POSTN: variants seen among roughly 807,000 people sequenced by gnomAD.
POSTN encodes the protein periostin, also known as osteoblast specific factor 2 (fasciclin I-like).
In POSTN, 71 loss-of-function variants were observed where a neutral mutation model predicts 104.5. The ratio of observed to expected loss-of-function variants is 0.68; its 90% CI spans 0.56 to 0.83. The LOEUF (loss-of-function observed/expected upper bound fraction) is 0.83, where lower values mean the gene tolerates loss of function less well. POSTN is among the 40% of genes least tolerant of loss of function. The pLI, the probability that POSTN is intolerant of heterozygous loss-of-function variation, is 0.00. For missense variants in POSTN, 949 were observed against 1,006.8 expected (o/e 0.94, Z 0.78); for synonymous variants, 355 against 340.7 (o/e 1.04, Z -0.46).
At chr13:37,597,722 G>A (rs1318083527) in intron 1 of POSTN, among the ~76,000 whole-genome samples, 2 of 152,134 alleles carry the variant, frequency 1.3e-5, no homozygotes, top group African/African-American at 4.8e-5. Flanking sequence ...GGTTTATTAT[G>A]TACACAGACA....
In POSTN at chr13:37,592,299, T is replaced by C. The variant is rs1950959532; in HGVS notation, c.219-135A>G. On this transcript the variant is annotated intron_variant, in intron 2 of 22. Coordinates refer to ENST00000379747, the MANE Select transcript of POSTN (RefSeq NM_006475.3). The stretch of plus-strand genomic sequence containing the variant: ...AAATCAGGTTTTTTTTCCCCCCTGA[T>C]TTTTTCTTTTTTCTTTTGAGACGGA... 3 of 599,842 alleles carry C rather than the reference T, an allele frequency of 5.0e-6. No homozygotes were observed. In the East Asian group the frequency reaches 9.1e-5, roughly 18 times the overall value. The allele number at this position is 599,842 out of a possible 1,614,324, so 37.2% of individuals were successfully genotyped here.
intron 17 of POSTN, among the ~76,000 whole-genome samples, chr13:37,572,403 C>T (rs902323893): frequency 1.4e-4 from 21 of 151,318 alleles, no homozygotes; most frequent in Non-Finnish European, 1.5e-5. Context: ...GTATTTCATG[C>T]CATAATATTT....
At chr13:37,597,691 G>A (rs1339391442) in intron 1 of POSTN, among the ~76,000 whole-genome samples, 1 of 152,160 alleles carries the variant, frequency 6.6e-6, no homozygotes, top group Non-Finnish European at 1.5e-5. Flanking sequence ...ACAATGAGAG[G>A]TCAGAGAGCA....
intron 1 of POSTN, 45 bp from the exon 2 acceptor site, chr13:37,597,327 A>G (rs1479065198): frequency 3.1e-6 from 4 of 1,304,016 alleles, no homozygotes; most frequent in Admixed American, 2.4e-5. Context: ...CCTAATAATG[A>G]CTAGTTTTTC....
intron 1 of POSTN, among the ~76,000 whole-genome samples, 161 bp from the exon 2 acceptor site, chr13:37,597,443 A>C (rs1034109145): frequency 1.6e-4 from 25 of 152,286 alleles, no homozygotes; most frequent in African/African-American, 5.8e-4. Flanking sequence ...AATCCTACTG[A>C]ATTGTTGAAA....
At chr13:37,594,931 G>A (rs376422387) in intron 2 of POSTN, among the ~76,000 whole-genome samples, 26 of 151,086 alleles carry the variant, frequency 1.7e-4, no homozygotes, top group African/African-American at 6.1e-4. Flanking sequence ...GTGCCCAGAC[G>A]TAACTATGTT....
At position 37,585,545 on chromosome 13, in the gene POSTN, TA is replaced by T. The variant is rs577043955; in HGVS notation, c.895+593del. ...AGGCAACTTCTAGAAAGTAACCAAA[TA>T]AAGATGATTCATTGAAGGACCTCTG... is the stretch of plus-strand genomic sequence containing the variant. On this transcript the variant is annotated intron_variant, in intron 7 of 22. Transcript: ENST00000379747. Among the ~76,000 whole-genome samples, 399 of 152,274 alleles carry T rather than the reference TA, an allele frequency of 2.6e-3. 4 individuals carry two copies. Among genetic ancestry groups the T allele is most frequent in the African/African-American group, 8.5e-3 (355 of 41,562 alleles).
intron 21 of POSTN, among the ~76,000 whole-genome samples, chr13:37,567,253 A>AAAAAAAAAAAAAAG (rs1950137918): frequency 6.9e-6 from 1 of 144,840 alleles, no homozygotes; most frequent in Non-Finnish European, 1.5e-5. Context: ...AAAAAAAAAA[A>AAAAAAAAAAAAAAG]TGTACTACAT....
At chr13:37,591,063 G>C (rs897772705) in intron 3 of POSTN, among the ~76,000 whole-genome samples, 2 of 152,050 alleles carry the variant, frequency 1.3e-5, no homozygotes, top group Non-Finnish European at 2.9e-5. Flanking sequence ...CTATTTATTT[G>C]AAAATTAGTA....
At chr13:37,574,092 T>C (rs1950333025) in intron 17 of POSTN, among the ~76,000 whole-genome samples, 1 of 151,758 alleles carries the variant, frequency 6.6e-6, no homozygotes, top group South Asian at 2.1e-4. Context: ...TCATGCGTGG[T>C]TGTAATTTTA....
At chr13:37,577,912 A>C in intron 15 of POSTN, 114 bp from the exon 16 acceptor site, 11 of 1,484,556 alleles carry the variant, frequency 7.4e-6, no homozygotes, top group Non-Finnish European at 9.0e-6. Context: ...TATTACACTT[A>C]ATAGAAGTGA....
intron 10 of POSTN, 61 bp from the exon 11 acceptor site, chr13:37,580,758 T>C: frequency 6.2e-7 from 1 of 1,601,644 alleles, no homozygotes; most frequent in Non-Finnish European, 8.5e-7. Flanking sequence ...CCCGTATAGA[T>C]GTAACTACAT....
chr13:37,586,292 A>G lies in POSTN; in HGVS notation c.754-12T>C. On this transcript the variant is annotated splice_polypyrimidine_tract_variant and intron_variant, in intron 6 of 22. Coordinates refer to ENST00000379747, the MANE Select transcript of POSTN (RefSeq NM_006475.3). ...GTGATGGCAGCTGCCTGAAACACAAATGTGCTTTTCAGAGACTTTCACATT... is the reference window on the plus strand; with the variant it reads ...GTGATGGCAGCTGCCTGAAACACAAGTGTGCTTTTCAGAGACTTTCACATT... 6.2e-7 allele frequency: 1 copy of G among 1,606,810 alleles called. No homozygotes were observed.
At position 37,597,213 on chromosome 13, in the gene POSTN, C is replaced by T; in HGVS notation, c.189G>A (p.Trp63Ter). The T allele has an allele frequency of 1.3e-6, 2 of 1,574,912 alleles. No homozygotes were observed. The highest frequency in any genetic ancestry group is 1.7e-6 in the Non-Finnish European group (2 of 1,166,038). ...KKKYFSTCKN[W>*]YKKSICGQKT... Reference sequence around the variant, plus strand: ...TCTGTCCACAGATGGACTTTTTATACCAGTTCTTACAAGTGCTGAAGTATT... The same window carrying T: ...TCTGTCCACAGATGGACTTTTTATATCAGTTCTTACAAGTGCTGAAGTATT... The change falls in exon 2 of 23, where the codon TGG becomes TGA. Residue 63 changes from tryptophan (W) to a stop codon, truncating the protein, a stop_gained. Coordinates refer to ENST00000379747, the MANE Select transcript of POSTN (RefSeq NM_006475.3). LOFTEE classifies it high-confidence loss of function.
At chr13:37,593,202 A>G (rs1950994007) in intron 2 of POSTN, among the ~76,000 whole-genome samples, 1 of 150,824 alleles carries the variant, frequency 6.6e-6, no homozygotes, top group South Asian at 2.1e-4. Context: ...ATATACAAAA[A>G]ATAAGTTTAT....
chr13:37,593,565 A>G (rs1337957428), intron 2 of POSTN, among the ~76,000 whole-genome samples: 1 of 151,442 alleles, frequency 6.6e-6, no homozygotes. Flanking sequence ...ACAATTATAG[A>G]TTAATTATTT....
At chr13:37,591,931 C>G (rs9547968) in intron 3 of POSTN, among the ~76,000 whole-genome samples, 169 bp downstream of exon 3, 30,405 of 152,014 alleles carry the variant, frequency 0.2, 3,709 homozygotes, top group Non-Finnish European at 0.28. Context: ...GAAATATGCT[C>G]TTATATTTTA....
chr13:37,570,702 T>G, intron 18 of POSTN, 33 bp from the exon 19 acceptor site: 1 of 1,324,948 alleles, frequency 7.5e-7, no homozygotes, highest in South Asian at 1.2e-5. Context: ...GCATTTGATT[T>G]ACCCTCATAT....
At chr13:37,577,834 G>T (rs763805831) in intron 15 of POSTN, 36 bp from the exon 16 acceptor site, 4 of 1,610,960 alleles carry the variant, frequency 2.5e-6, no homozygotes, top group African/African-American at 2.7e-5. Context: ...AACATGAAAG[G>T]TGATAGTTGT....
Sources: gnomAD v4.1 joint callset for allele counts (sites outside exome capture counted in the v4.1 genomes callset) on GRCh38, gnomAD v4.1.1 for gene constraint, MANE v1.5 for transcripts, NCBI Gene and HGNC (gene_info 2026-07-23, HGNC 2026-07-21) for gene names.